ADGRL2: variants seen among roughly 807,000 people sequenced by gnomAD.
ADGRL2 encodes calcium-independent alpha-latrotoxin receptor 2.
Under a neutral mutation model 157.4 loss-of-function variants are expected in ADGRL2, and 44 were observed. The observed-to-expected ratio is 0.28, with a 90% confidence interval of 0.22 to 0.36. The LOEUF is 0.36. Ranked by LOEUF, ADGRL2 falls within the 10% of genes least tolerant of loss-of-function variation. ADGRL2 has a pLI of 1.00. For synonymous variants in ADGRL2, 585 were observed against 624.7 expected, an observed-to-expected ratio of 0.94 and a Z score of 0.95; for missense variants, 1,510 against 1,768.9, an observed-to-expected ratio of 0.85 and a Z score of 2.63.
Position 81,370,206 on chromosome 1 carries a change from TAA to T in ADGRL2, c.-302+63698_-302+63699del, listed in dbSNP as rs1195240225. On this transcript the variant is annotated intron_variant, in intron 1 of 24. Transcript: ENST00000370721. ...CATTTAGGTGCTCTTCTAGAATATA[TAA>T]GTTTAATTGATTTTTTACCTTTTTT... Among the ~76,000 whole-genome samples the T allele has an allele frequency of 8.5e-5, 13 of 152,302 alleles. No homozygotes were observed. The Middle Eastern group carries it at 0.014, about 159-fold the overall frequency.
chr1:81,531,841 C>A (rs541035300), intron 2 of ADGRL2, among the ~76,000 whole-genome samples: 1 of 152,214 alleles, frequency 6.6e-6, no homozygotes, highest in East Asian at 1.9e-4. Flanking sequence ...GGTCAGTGGA[C>A]CCCTCACTTG....
intron 2 of ADGRL2, among the ~76,000 whole-genome samples, chr1:81,529,960 G>A (rs986863888): frequency 2.0e-5 from 3 of 152,232 alleles, no homozygotes; most frequent in Non-Finnish European, 4.4e-5. Flanking sequence ...AGGAAGAGAT[G>A]AGGCTCACAA....
At chr1:81,904,122 T>C (rs2094542464) in intron 2 of ADGRL2, among the ~76,000 whole-genome samples, 1 of 152,134 alleles carries the variant, frequency 6.6e-6, no homozygotes, top group Non-Finnish European at 1.5e-5. Context: ...AACAATTTGG[T>C]TCCACATTTA....
At chr1:81,310,378 A>G (rs1659663117) in intron 1 of ADGRL2, among the ~76,000 whole-genome samples, 2 of 152,190 alleles carry the variant, frequency 1.3e-5, no homozygotes. Flanking sequence ...TATCTGATTC[A>G]AAGACTGTGT....
At chr1:81,501,349 A>C (rs1300463801) in intron 2 of ADGRL2, among the ~76,000 whole-genome samples, 2 of 152,302 alleles carry the variant, frequency 1.3e-5, no homozygotes, top group African/African-American at 2.4e-5. Context: ...ACTATTCTGC[A>C]ATATTTCTGC....
chr1:81,690,329 C>T (rs768639867), intron 3 of ADGRL2, among the ~76,000 whole-genome samples: 5 of 152,132 alleles, frequency 3.3e-5, no homozygotes, highest in Non-Finnish European at 7.4e-5. Flanking sequence ...CCCATCTCTA[C>T]TAAAAATACA....
chr1:81,814,315 TA>T (rs1350279956), intron 1 of ADGRL2, among the ~76,000 whole-genome samples: 1 of 151,620 alleles, frequency 6.6e-6, no homozygotes, highest in African/African-American at 2.4e-5. Context: ...GACTGGTTTT[TA>T]AAATAATAAG....
At chr1:81,849,252 G>C (rs559464879) in intron 2 of ADGRL2, among the ~76,000 whole-genome samples, 9 of 151,882 alleles carry the variant, frequency 5.9e-5, no homozygotes, top group Non-Finnish European at 1.2e-4. Flanking sequence ...CATTTGAAAG[G>C]CTGGTGAATC....
intron 2 of ADGRL2, among the ~76,000 whole-genome samples, chr1:81,566,083 C>T (rs1282416764): frequency 6.6e-6 from 1 of 152,082 alleles, no homozygotes; most frequent in Non-Finnish European, 1.5e-5. Context: ...AGCACATATT[C>T]TATTTTTAGT....
chr1:81,691,878 G>GTATATA lies in ADGRL2; in HGVS notation c.-142-69932_-142-69931insATATAT, dbSNP rs755115574. On this transcript the variant is annotated intron_variant, in intron 3 of 24. Coordinates refer to the ADGRL2 transcript ENST00000370721. The stretch of plus-strand genomic sequence containing the variant: ...TATATATATATATGGGTGTGTGTGT[G>GTATATA]TGTATATATATATATATGTATGTGT... 1.1e-3 allele frequency among the ~76,000 whole-genome samples: 133 copies of GTATATA among 122,444 alleles called. 2 individuals are homozygous for GTATATA. The highest frequency in any genetic ancestry group is 1.7e-3 in the African/African-American group (56 of 32,678). The allele number at this position is 122,444 out of a possible 152,430, so 80.3% of individuals were successfully genotyped here.
At chr1:81,436,086 A>G (rs1167110788) in intron 1 of ADGRL2, among the ~76,000 whole-genome samples, 1 of 152,154 alleles carries the variant, frequency 6.6e-6, no homozygotes, top group Non-Finnish European at 1.5e-5. Flanking sequence ...TAAGAGCGAA[A>G]CTCCATCTCA....
chr1:81,877,667 A>AG (rs1426756466), intron 2 of ADGRL2, among the ~76,000 whole-genome samples: 1 of 149,468 alleles, frequency 6.7e-6, no homozygotes, highest in South Asian at 2.1e-4. Flanking sequence ...TTTTTTGGGG[A>AG]GGGGGGAGGT....
chr1:81,944,985 A>G (rs1258381864), intron 6 of ADGRL2, among the ~76,000 whole-genome samples: 1 of 152,088 alleles, frequency 6.6e-6, no homozygotes, highest in Admixed American at 6.6e-5. Context: ...TATAATAACA[A>G]TAATGATCCA....
intron 2 of ADGRL2, among the ~76,000 whole-genome samples, chr1:81,573,165 C>A (rs1405979617): frequency 6.6e-6 from 1 of 151,800 alleles, no homozygotes; most frequent in Admixed American, 6.6e-5. Flanking sequence ...AGAAGCATTT[C>A]CCTGGGATCC....
intron 1 of ADGRL2, among the ~76,000 whole-genome samples, chr1:81,808,850 G>C (rs1253301018): frequency 6.6e-6 from 1 of 151,962 alleles, no homozygotes; most frequent in East Asian, 1.9e-4. Context: ...CCAGATTTAC[G>C]GAAGTGCAGG....
intron 1 of ADGRL2, among the ~76,000 whole-genome samples, chr1:81,390,367 C>T (rs530263887): frequency 2.4e-4 from 37 of 152,392 alleles, no homozygotes; most frequent in Non-Finnish European, 3.5e-4. Context: ...TGCAGAATAA[C>T]TGCAAATGGT....
At chr1:81,746,284 A>T (rs1027023671) in intron 1 of ADGRL2, among the ~76,000 whole-genome samples, 11 of 152,142 alleles carry the variant, frequency 7.2e-5, no homozygotes, top group African/African-American at 2.7e-4. Context: ...TAAAATAAAA[A>T]TGTATATTTT....
Position 81,603,257 on chromosome 1 carries a change from A to T in ADGRL2, c.-143+22277A>T, listed in dbSNP as rs555681663. Among the ~76,000 whole-genome samples the T allele has an allele frequency of 2.6e-5, 4 of 152,126 alleles. No individual in the cohort carries two copies. In the South Asian group the frequency reaches 6.3e-4, roughly 24 times the overall value. On this transcript the variant is annotated intron_variant, in intron 3 of 24. Coordinates refer to the ADGRL2 transcript ENST00000370721. Reference sequence around the variant, plus strand: ...CAAACCCGAGAAATCTCAGTGGGCCATTTGTTCTTTAACCTCAGTACTTTA... The same window carrying T: ...CAAACCCGAGAAATCTCAGTGGGCCTTTTGTTCTTTAACCTCAGTACTTTA...
At chr1:81,391,807 G>T (rs961711895) in intron 1 of ADGRL2, among the ~76,000 whole-genome samples, 1 of 152,120 alleles carries the variant, frequency 6.6e-6, no homozygotes, top group African/African-American at 2.4e-5. Flanking sequence ...AGAAATGGAG[G>T]CTATCTAGGC....
Sources: allele counts gnomAD v4.1 joint callset (sites outside exome capture counted in the v4.1 genomes callset), GRCh38; gene constraint gnomAD v4.1.1; transcripts MANE v1.5; gene names NCBI Gene and HGNC (gene_info 2026-07-23, HGNC 2026-07-21).